Variants in TCOF1 observed in about 807,000 individuals in gnomAD.
TCOF1 encodes the protein treacle protein.
TCOF1 carries 33 observed loss-of-function variants against 149.0 expected under a neutral mutation model. The observed-to-expected ratio is 0.22, with a 90% CI of 0.17 to 0.30. TCOF1 has a LOEUF of 0.30. Among genes scored for constraint, TCOF1 ranks in the 10% least tolerant of loss-of-function variants. The probability of loss-of-function intolerance (pLI) is 1.00; values close to 1 mark genes in which losing one functional copy is unlikely to be tolerated. For synonymous variants in TCOF1, 789 were observed against 738.8 expected (o/e 1.07, Z -1.10); for missense variants, 1,728 against 1,840.7 (o/e 0.94, Z 1.12).
At chr5:150,359,122 G>A (rs1759396880) in intron 1 of TCOF1, among the ~76,000 whole-genome samples, 1 of 152,100 alleles carries the variant, frequency 6.6e-6, no homozygotes, top group African/African-American at 2.4e-5. Context: ...CGAGGCAGGC[G>A]GATCACTTGA....
rs369387660 is a variant in TCOF1, at chr5:150,372,275, G to A, written c.870+39G>A. Reference sequence around the variant, plus strand: ...GAGGGCTGCCCCTTGGAGGACCTGCGGGTCCCCCAGCAGCCTGAGCACTCT... The same window carrying A: ...GAGGGCTGCCCCTTGGAGGACCTGCAGGTCCCCCAGCAGCCTGAGCACTCT... On this transcript the variant is annotated intron_variant, in intron 7 of 26. Coordinates refer to ENST00000643257, the MANE Select transcript of TCOF1 (RefSeq NM_001371623.1). 193 of 1,548,256 alleles carry A rather than the reference G, an allele frequency of 1.2e-4. 1 individual carries two copies. The African/African-American group carries it at 2.0e-3, about 16-fold the overall frequency.
intron 17 of TCOF1, among the ~76,000 whole-genome samples, chr5:150,381,655 T>C (rs183297088): frequency 6.6e-6 from 1 of 152,396 alleles, no homozygotes; most frequent in East Asian, 1.9e-4. Flanking sequence ...GGCCATATTT[T>C]GGGCTGTGTA....
In TCOF1 at chr5:150,400,182, G is replaced by C. The variant is rs910320821; in HGVS notation, c.*395G>C. The C allele has an allele frequency of 6.6e-6, 1 of 151,956 alleles. No individual in the cohort carries two copies. The highest frequency in any genetic ancestry group is 1.5e-5 in the Non-Finnish European group (1 of 67,978). 9.4% of individuals were successfully genotyped at this position (151,956 alleles called of 1,614,324 possible). A position where few individuals can be genotyped will look rare whatever the true frequency, so the allele number is the denominator to read the frequency against. ...ACCTGTGCCTCATCCCGTGCCGCTC[G>C]GTCTCTGGCTGATCCCGAGGCTTTG... On this transcript the variant is annotated 3_prime_UTR_variant, in exon 27 of 27. Transcript: ENST00000643257.
At position 150,368,509 on chromosome 5, in the gene TCOF1, A is replaced by G. The variant is rs545318390; in HGVS notation, c.379-207A>G. The G allele has an allele frequency of 1.1e-4, 63 of 599,752 alleles. 2 individuals carry two copies. The South Asian group carries it at 1.2e-3, about 12-fold the overall frequency. The allele number at this position is 599,752 out of a possible 1,614,324, so 37.2% of individuals were successfully genotyped here. On this transcript the variant is annotated intron_variant, in intron 4 of 26. Transcript: ENST00000643257. ...CTTAGTAAATAACTACCATGTCCCA[A>G]GAACTGGGATTCTGTTTTCTCAACA...
At chr5:150,367,993 G>C (rs2150541470) in intron 4 of TCOF1, 76 bp downstream of exon 4, 6 of 1,535,818 alleles carry the variant, frequency 3.9e-6, no homozygotes, top group Non-Finnish European at 5.4e-6. Context: ...ACATGTCAGA[G>C]AAGGATAGGG....
intron 15 of TCOF1, 25 bp from the exon 16 acceptor site, chr5:150,379,204 A>C: frequency 1.5e-5 from 24 of 1,614,144 alleles, no homozygotes; most frequent in Non-Finnish European, 2.0e-5. Context: ...TTTGCCTCCA[A>C]TACTATTATC....
chr5:150,364,369 TG>T, intron 3 of TCOF1, 117 bp downstream of exon 3: 1 of 1,446,198 alleles, frequency 6.9e-7, no homozygotes, highest in Non-Finnish European at 9.5e-7. Flanking sequence ...GGGAGGAGAT[TG>T]GGAGGGCACC....
At chr5:150,382,950 G>A (rs550561725) in intron 17 of TCOF1, 29 of 831,894 alleles carry the variant, frequency 3.5e-5, no homozygotes, top group African/African-American at 1.7e-4. Context: ...AAGGGGCCAC[G>A]CTGCCTCCCC....
intron 17 of TCOF1, chr5:150,383,966 A>C: frequency 6.9e-7 from 1 of 1,439,816 alleles, no homozygotes; most frequent in African/African-American, 1.4e-5. Flanking sequence ...CTTCCATCAG[A>C]CAGCATTACC....
At chr5:150,391,903 AG>A in intron 20 of TCOF1, 53 bp from the exon 21 acceptor site, 1 of 1,569,584 alleles carries the variant, frequency 6.4e-7, no homozygotes, top group Non-Finnish European at 8.7e-7. Context: ...AGGAAGGACC[AG>A]GTCTTACTTG....
At chr5:150,374,837 G>A in intron 9 of TCOF1, 26 bp downstream of exon 9, 1 of 1,604,754 alleles carries the variant, frequency 6.2e-7, no homozygotes, top group Non-Finnish European at 8.5e-7. Context: ...GGGGTGGAGA[G>A]TAGCCCCATG....
rs1276374715 is a variant in TCOF1, at chr5:150,379,581, C to T, written c.2708C>T (p.Ala903Val). The T allele has an allele frequency of 6.2e-7, 1 of 1,614,160 alleles. No individual in the cohort carries two copies. Among genetic ancestry groups the T allele is most frequent in the South Asian group, 1.1e-5 (1 of 91,092 alleles). Residue 903 changes from alanine to valine, a missense_variant, in exon 17 of 27, where the codon GCC becomes GTC. This residue lies in a region of TCOF1 where 1,696 missense variants were observed against 1,765.4 expected (regional missense o/e 0.96). Transcript: ENST00000643257. ...THQIRAALAPAKESPRKGAAP... is the reference protein window; with the variant it reads ...THQIRAALAPVKESPRKGAAP... The stretch of plus-strand genomic sequence containing the variant: ...CAGATCAGAGCTGCCTTGGCTCCTG[C>T]CAAGGAGTCCCCCAGGAAAGGGGCT...
In TCOF1 at chr5:150,376,539, G is replaced by A. The variant is rs1401893742; in HGVS notation, c.2259G>A (p.Gln753=). 3.7e-6 allele frequency: 6 copies of A among 1,608,756 alleles called. No homozygotes were observed. The highest frequency in any genetic ancestry group is 2.2e-5 in the East Asian group (1 of 44,672). Residue 753 remains glutamine, a synonymous_variant, in exon 14 of 27, where the codon CAG becomes CAA. Transcript: ENST00000643257. ...GGAAGACGGGGCCTACAGTCACCCA[G>A]GTGAAAGCTGAAAAGCAGGAAGACT... ...LPGKTGPTVT[Q]VKAEKQEDSE...
chr5:150,368,078 C>G, intron 4 of TCOF1, 161 bp downstream of exon 4: 1 of 705,814 alleles, frequency 1.4e-6, no homozygotes, highest in Non-Finnish European at 2.4e-6. Flanking sequence ...CCCTTCACCT[C>G]TCTGGGCCTC....
chr5:150,396,881 T>G, intron 24 of TCOF1, 39 bp downstream of exon 24: 1 of 1,562,094 alleles, frequency 6.4e-7, no homozygotes, highest in Non-Finnish European at 8.7e-7. Context: ...CAAGGGCTGC[T>G]GGGCACCCCA....
intron 1 of TCOF1, among the ~76,000 whole-genome samples, chr5:150,360,461 C>T (rs929287404): frequency 3.3e-5 from 5 of 152,150 alleles, no homozygotes; most frequent in African/African-American, 1.2e-4. Context: ...GGCTGTGATT[C>T]GTGCTTTGGG....
intron 6 of TCOF1, 67 bp from the exon 7 acceptor site, chr5:150,371,939 C>G: frequency 2.8e-6 from 4 of 1,442,900 alleles, no homozygotes; most frequent in Non-Finnish European, 3.9e-6. Context: ...GCTGAAGCCC[C>G]TAATACAGAA....
At position 150,375,138 on chromosome 5, in the gene TCOF1, C is replaced by T. The variant is rs1452658156; in HGVS notation, c.1463C>T (p.Ala488Val). Residue 488 changes from alanine to valine, a missense_variant, in exon 10 of 27, where the codon GCA becomes GTA. Physicochemically the swap from Ala to Val is moderately conservative, Grantham distance 64. This residue lies in a region of TCOF1 where 1,696 missense variants were observed against 1,765.4 expected (regional missense o/e 0.96). Coordinates refer to ENST00000643257, the MANE Select transcript of TCOF1 (RefSeq NM_001371623.1). ...GAGGAGTCAGACAGTGACAGAGAGG[C>T]ACTGGCAGCCATGAATGCAGCTCAG... ...SSEESDSDRE[A>V]LAAMNAAQVK... 4 of 1,613,034 alleles carry T rather than the reference C, an allele frequency of 2.5e-6. No homozygotes were observed. Among genetic ancestry groups the T allele is most frequent in the Non-Finnish European group, 2.5e-6 (3 of 1,179,730 alleles).
In TCOF1 at chr5:150,389,915, C is replaced by T. The variant is rs1480565706; in HGVS notation, c.3075C>T (p.Pro1025=). The T allele has an allele frequency of 5.6e-6, 9 of 1,614,086 alleles. No individual in the cohort carries two copies. The highest frequency in any genetic ancestry group is 1.3e-5 in the African/African-American group (1 of 74,938). ...TCAGAACCAATGTGGTGACCATGCC[C>T]ACTGCCCACCCAAGAATAGCCCCCA... ...PGIRTNVVTM[P]TAHPRIAPKA... is the part of the protein sequence containing the mutation. Residue 1025 remains proline, a synonymous_variant, in exon 19 of 27, where the codon CCC becomes CCT. Transcript: ENST00000643257.
Sources: gnomAD v4.1 joint callset for allele counts (sites outside exome capture counted in the v4.1 genomes callset) on GRCh38, gnomAD v4.1.1 for gene constraint, gnomAD v4.1.1 regional missense constraint, MANE v1.5 for transcripts, NCBI Gene and HGNC (gene_info 2026-07-23, HGNC 2026-07-21) for gene names.